DOCK1: variants seen among roughly 807,000 people sequenced by gnomAD.
DOCK1 encodes dedicator of cytokinesis 1, also known as dedicator of cytokinesis protein 1.
Under a neutral mutation model 262.7 loss-of-function variants are expected in DOCK1, and 138 were observed. The ratio of observed to expected loss-of-function variants is 0.53; its 90% CI spans 0.46 to 0.61. The LOEUF is 0.61. DOCK1 is among the 20% of genes least tolerant of loss of function. The pLI, the probability that DOCK1 is intolerant of heterozygous loss-of-function variation, is 0.00. For missense variants in DOCK1, 1,908 were observed against 2,370.7 expected, an observed-to-expected ratio of 0.80 and a Z score of 4.05; for synonymous variants, 866 against 867.4, an observed-to-expected ratio of 1.00 and a Z score of 0.03.
intron 1 of DOCK1, among the ~76,000 whole-genome samples, chr10:126,949,387 C>T (rs961883451): frequency 1.2e-4 from 18 of 152,116 alleles, no homozygotes; most frequent in African/African-American, 4.1e-4. Context: ...TCGGCTCCCA[C>T]GTGTCCCTTC....
At chr10:127,341,082 G>A (rs1490554383) in intron 30 of DOCK1, among the ~76,000 whole-genome samples, 1 of 152,106 alleles carries the variant, frequency 6.6e-6, no homozygotes, top group Non-Finnish European at 1.5e-5. Flanking sequence ...GCTAATACCT[G>A]TGTGGTTTTG....
chr10:127,369,098 T>C (rs1180666368), intron 33 of DOCK1, among the ~76,000 whole-genome samples: 1 of 152,188 alleles, frequency 6.6e-6, no homozygotes, highest in Non-Finnish European at 1.5e-5. Context: ...GCCGAGCTCC[T>C]GTTTGAATAA....
At chr10:126,998,839 T>C (rs2040393451) in intron 8 of DOCK1, 1 of 157,314 alleles carries the variant, frequency 6.4e-6, no homozygotes, top group African/African-American at 2.4e-5. Context: ...GAATTATGTG[T>C]GTGTCTGTGT....
rs1019603740 is a variant in DOCK1 at position 127,026,176 on chromosome 10, A to G, written c.1552-176A>G. Reference sequence around the variant, plus strand: ...TTGGCAGCTGTTACAATATGATACAAAATTTTGCAGAGGCATTTTGTCTTT... The same window carrying G: ...TTGGCAGCTGTTACAATATGATACAGAATTTTGCAGAGGCATTTTGTCTTT... On this transcript the variant is annotated intron_variant, in intron 15 of 51. Transcript: ENST00000623213. The G allele has an allele frequency of 1.6e-5, 10 of 638,236 alleles. No individual in the cohort carries two copies. The Admixed American group carries it at 2.8e-4, about 18-fold the overall frequency. The allele number at this position is 638,236 out of a possible 1,614,324, so 39.5% of individuals were successfully genotyped here. A position where few individuals can be genotyped will look rare whatever the true frequency, so the allele number is the denominator to read the frequency against.
chr10:126,986,147 A>G (rs2039369894), intron 4 of DOCK1, among the ~76,000 whole-genome samples: 1 of 152,100 alleles, frequency 6.6e-6, no homozygotes, highest in South Asian at 2.1e-4. Context: ...CCCAGCCCAA[A>G]GGGTCATTCT....
At chr10:127,083,212 A>G (rs73374739) in intron 23 of DOCK1, among the ~76,000 whole-genome samples, 9,177 of 152,252 alleles carry the variant, frequency 0.06, 723 homozygotes, top group African/African-American at 0.18. Context: ...CACAGGTTCC[A>G]ACACTTTCTG....
At chr10:127,136,768 G>A (rs1332683530) in intron 27 of DOCK1, 1 of 152,610 alleles carries the variant, frequency 6.6e-6, no homozygotes. Context: ...TTAAATGTAG[G>A]CGACATTGTC....
chr10:126,914,829 G>T (rs1237327812), intron 1 of DOCK1, among the ~76,000 whole-genome samples: 3 of 152,232 alleles, frequency 2.0e-5, no homozygotes, highest in East Asian at 1.9e-4. Flanking sequence ...AAAGTGGGCG[G>T]TGGGGAGGGT....
At chr10:127,217,886 C>T (rs1172994297) in intron 27 of DOCK1, among the ~76,000 whole-genome samples, 4 of 152,010 alleles carry the variant, frequency 2.6e-5, no homozygotes, top group Non-Finnish European at 5.9e-5. Context: ...GTTAAAGGGC[C>T]AGTTTTATTT....
intron 27 of DOCK1, among the ~76,000 whole-genome samples, chr10:127,202,045 A>G (rs1026289795): frequency 1.3e-5 from 2 of 152,148 alleles, no homozygotes; most frequent in African/African-American, 4.8e-5. Flanking sequence ...GGAAGGAGCC[A>G]GGCACGGTGG....
intron 19 of DOCK1, 109 bp downstream of exon 19, chr10:127,037,925 A>T: frequency 3.4e-6 from 3 of 880,846 alleles, no homozygotes; most frequent in Non-Finnish European, 3.3e-6. Context: ...TTGTGGTTAT[A>T]CTCCCTTTAA....
intron 49 of DOCK1, among the ~76,000 whole-genome samples, chr10:127,441,801 C>T (rs1055248728): frequency 6.7e-6 from 1 of 149,170 alleles, no homozygotes; most frequent in Non-Finnish European, 1.5e-5. Flanking sequence ...TGGCTGGGTT[C>T]GGTTTCCTAC....
intron 49 of DOCK1, among the ~76,000 whole-genome samples, chr10:127,440,289 C>T (rs1253721049): frequency 6.6e-6 from 1 of 152,076 alleles, no homozygotes; most frequent in Non-Finnish European, 1.5e-5. Flanking sequence ...GAGATCTGCT[C>T]CCAGGACCCA....
intron 27 of DOCK1, among the ~76,000 whole-genome samples, chr10:127,236,726 A>G (rs1208718200): frequency 6.6e-6 from 1 of 151,876 alleles, no homozygotes; most frequent in East Asian, 2.0e-4. Flanking sequence ...TTCAGTATAC[A>G]ATTTTGTGAC....
intron 29 of DOCK1, among the ~76,000 whole-genome samples, chr10:127,287,580 A>G (rs61870266): frequency 0.034 from 5,116 of 152,264 alleles, 146 homozygotes; most frequent in African/African-American, 0.076. Context: ...TTGAATCCAC[A>G]TGGTGTTATT....
rs552317649 is a variant in DOCK1 at position 127,446,257 on chromosome 10, A to G, written c.5414-1137A>G. ...ACAGCGAGACTCCATCCCAAACAAA[A>G]AGAAAAGAAAAAAAAAAAGAAAGTA... On this transcript the variant is annotated intron_variant, in intron 50 of 51. Transcript: ENST00000623213. The surrounding 1 kb of genome is among the most constrained non-coding windows in gnomAD (Gnocchi z 4.4). 1.1e-3 allele frequency among the ~76,000 whole-genome samples: 142 copies of G among 133,824 alleles called. No homozygotes were observed. The highest frequency in any genetic ancestry group is 7.7e-3 in the Middle Eastern group (2 of 260). The allele number at this position is 133,824 out of a possible 152,430, so 87.8% of individuals were successfully genotyped here. A position where few individuals can be genotyped will look rare whatever the true frequency, so the allele number is the denominator to read the frequency against.
At chr10:127,379,499 G>A (rs1376943167) in intron 35 of DOCK1, among the ~76,000 whole-genome samples, 1 of 152,232 alleles carries the variant, frequency 6.6e-6, no homozygotes, top group Admixed American at 6.5e-5. Context: ...GCCGCATGTG[G>A]CTGTTAAGCG....
chr10:126,960,791 TACACAC>T (rs1176439067), intron 1 of DOCK1, among the ~76,000 whole-genome samples: 12 of 140,778 alleles, frequency 8.5e-5, no homozygotes, highest in South Asian at 2.3e-4. Flanking sequence ...TATGTGTATA[TACACAC>T]ACACACACAC....
In DOCK1 at chr10:127,135,890, G is replaced by C. The variant is rs534640792; in HGVS notation, c.2847+8126G>C. 5 of 152,712 alleles carry C rather than the reference G, an allele frequency of 3.3e-5. No individual in the cohort carries two copies. The East Asian group carries it at 9.6e-4, about 29-fold the overall frequency. 9.5% of individuals were successfully genotyped at this position (152,712 alleles called of 1,614,324 possible). ...TTGGGATTCTTAAAACATAAGGAGAGAGAACTTGTTGGAAACATTTTTATA... is the reference window on the plus strand; with the variant it reads ...TTGGGATTCTTAAAACATAAGGAGACAGAACTTGTTGGAAACATTTTTATA... On this transcript the variant is annotated intron_variant, in intron 27 of 51. Coordinates refer to ENST00000623213, the MANE Select transcript of DOCK1 (RefSeq NM_001290223.2).
Sources: allele counts gnomAD v4.1 joint callset (sites outside exome capture counted in the v4.1 genomes callset), GRCh38; gene constraint gnomAD v4.1.1; non-coding constraint Gnocchi (gnomAD v3.1); transcripts MANE v1.5; gene names NCBI Gene and HGNC (gene_info 2026-07-23, HGNC 2026-07-21).